Variants in SLC71A2 observed in about 807,000 individuals in gnomAD.
The protein encoded by SLC71A2 is hippocampus abundant transcript-like 1.
chr9:94,424,727 C>CTT, the SLC71A2 span, among the ~76,000 whole-genome samples: 3,636 of 91,626 alleles, frequency 0.04, 199 homozygotes, highest in African/African-American at 0.1. Flanking sequence ...TTGTTTTCTG[C>CTT]TTTTTTTTTT....
chr9:94,458,503 T>C, the SLC71A2 span: 13 of 1,594,908 alleles, frequency 8.2e-6, no homozygotes, highest in South Asian at 5.6e-5. Context: ...ACAACAATTA[T>C]GTATGATTAT....
At chr9:94,457,050 T>A in the SLC71A2 span, among the ~76,000 whole-genome samples, 1 of 146,806 alleles carries the variant, frequency 6.8e-6, no homozygotes, top group African/African-American at 2.5e-5. Flanking sequence ...CCCTGCAGCC[T>A]CCGTCTCCTG....
the SLC71A2 span, among the ~76,000 whole-genome samples, chr9:94,446,341 A>G: frequency 6.6e-6 from 1 of 152,222 alleles, no homozygotes; most frequent in Admixed American, 6.5e-5. Flanking sequence ...GTTTGACCTT[A>G]TGGCTGGAGC....
chr9:94,417,833 C>A, the SLC71A2 span, among the ~76,000 whole-genome samples: 5,391 of 140,868 alleles, frequency 0.038, 239 homozygotes, highest in African/African-American at 0.084. Flanking sequence ...TTTTGAGACT[C>A]TCCTTATAGG....
the SLC71A2 span, among the ~76,000 whole-genome samples, chr9:94,405,647 G>C: frequency 6.6e-6 from 1 of 151,990 alleles, no homozygotes; most frequent in Non-Finnish European, 1.5e-5. Context: ...TTTTTATTCT[G>C]TTGGTCTACA....
the SLC71A2 span, among the ~76,000 whole-genome samples, chr9:94,386,721 C>T: frequency 4.6e-5 from 7 of 152,182 alleles, no homozygotes; most frequent in African/African-American, 1.7e-4. Context: ...GAATCTGTAT[C>T]AGGCAGTAAG....
the SLC71A2 span, among the ~76,000 whole-genome samples, chr9:94,392,886 G>T: frequency 6.6e-6 from 1 of 151,248 alleles, no homozygotes; most frequent in African/African-American, 2.4e-5. Context: ...TTACTTTATA[G>T]GAATGGTCAC....
chr9:94,452,092 G>C, the SLC71A2 span, among the ~76,000 whole-genome samples: 1 of 152,190 alleles, frequency 6.6e-6, no homozygotes, highest in Non-Finnish European at 1.5e-5. Context: ...CGTAACCTCT[G>C]CTGGGTCAAT....
At chr9:94,460,649 T>TGA in the SLC71A2 span, 1 of 151,350 alleles carries the variant, frequency 6.6e-6, no homozygotes, top group African/African-American at 2.4e-5. Flanking sequence ...TTTATAGGTA[T>TGA]GAAATATATG....
At chr9:94,456,565 TTAGAAA>T in the SLC71A2 span, among the ~76,000 whole-genome samples, 26 of 152,294 alleles carry the variant, frequency 1.7e-4, no homozygotes, top group African/African-American at 5.1e-4. Context: ...TTGCTAACAA[TTAGAAA>T]TAGAACTATT....
the SLC71A2 span, chr9:94,458,370 T>C: frequency 6.2e-7 from 1 of 1,613,668 alleles, no homozygotes; most frequent in Admixed American, 1.7e-5. Context: ...TGCAATGGCC[T>C]GGGGCCAGCA....
chr9:94,420,627 G>A, the SLC71A2 span, among the ~76,000 whole-genome samples: 15 of 150,504 alleles, frequency 1.0e-4, no homozygotes, highest in African/African-American at 2.7e-4. Flanking sequence ...AAGGCCAGGC[G>A]TGGTGGCTCA....
the SLC71A2 span, among the ~76,000 whole-genome samples, chr9:94,448,681 G>A: frequency 6.6e-6 from 1 of 152,210 alleles, no homozygotes. Flanking sequence ...TGCCCAGGCT[G>A]GAGTGCAATG....
the SLC71A2 span, among the ~76,000 whole-genome samples, chr9:94,390,070 C>T: frequency 2.0e-4 from 31 of 152,174 alleles, no homozygotes; most frequent in African/African-American, 4.6e-4. Flanking sequence ...AAAAATTAGC[C>T]GGGCGTGGTG....
At chr9:94,458,749 C>T in the SLC71A2 span, among the ~76,000 whole-genome samples, 1 of 152,142 alleles carries the variant, frequency 6.6e-6, no homozygotes, top group African/African-American at 2.4e-5. Context: ...TTGAAATGAC[C>T]TAAAAATCCA....
chr9:94,410,417 C>T, the SLC71A2 span, among the ~76,000 whole-genome samples: 30,215 of 151,848 alleles, frequency 0.2, 3,225 homozygotes, highest in African/African-American at 0.28. Flanking sequence ...TTTTTCCCCC[C>T]CTAAGAGATG....
chr9:94,427,818 A>G, the SLC71A2 span, among the ~76,000 whole-genome samples: 8 of 145,924 alleles, frequency 5.5e-5, no homozygotes, highest in Admixed American at 1.4e-4. Context: ...CTGAGAGACA[A>G]TGGGTTAATA....
At chr9:94,392,787 C>G in the SLC71A2 span, among the ~76,000 whole-genome samples, 2 of 152,134 alleles carry the variant, frequency 1.3e-5, no homozygotes, top group African/African-American at 4.8e-5. Context: ...GCATGAGCCA[C>G]CACACCCGGC....
the SLC71A2 span, among the ~76,000 whole-genome samples, chr9:94,404,918 T>A: frequency 2.0e-5 from 3 of 152,216 alleles, no homozygotes; most frequent in Admixed American, 6.5e-5. Context: ...CATTGTCAAA[T>A]CCAATACCAG....
Sources: allele counts gnomAD v4.1 joint callset (sites outside exome capture counted in the v4.1 genomes callset), GRCh38; gene constraint gnomAD v4.1.1; transcripts MANE v1.5; gene names NCBI Gene and HGNC (gene_info 2026-07-23, HGNC 2026-07-21).